The following ADGRB3 variants were observed in gnomAD, a reference collection of about 807,000 sequenced individuals.
ADGRB3 encodes the protein adhesion G protein-coupled receptor B3, also known as brain-specific angiogenesis inhibitor 3.
A neutral mutation model predicts 193.4 loss-of-function variants in ADGRB3; 37 were observed. The observed-to-expected ratio is 0.19, with a 90% CI of 0.15 to 0.25. ADGRB3 has a LOEUF of 0.25. Ranked by LOEUF, ADGRB3 falls within the 10% of genes least tolerant of loss-of-function variation. The pLI is 1.00. For synonymous variants in ADGRB3, 690 were observed against 644.2 expected (o/e 1.07, Z -1.08); for missense variants, 1,637 against 1,852.9 (o/e 0.88, Z 2.14).
intron 26 of ADGRB3, among the ~76,000 whole-genome samples, chr6:69,350,074 G>A (rs1354432025): frequency 6.6e-6 from 1 of 152,114 alleles, no homozygotes; most frequent in Non-Finnish European, 1.5e-5. Context: ...TCCCTCTCCT[G>A]GTTCAGAAGA....
chr6:69,244,144 CTT>C (rs1766440907), intron 20 of ADGRB3, among the ~76,000 whole-genome samples: 2 of 152,116 alleles, frequency 1.3e-5, no homozygotes, highest in East Asian at 3.9e-4. Context: ...TGGGCTGTGT[CTT>C]TTAATTCAGA....
chr6:69,135,056 A>G (rs1774114208), intron 17 of ADGRB3, among the ~76,000 whole-genome samples: 1 of 152,026 alleles, frequency 6.6e-6, no homozygotes, highest in Admixed American at 6.6e-5. Context: ...AAATTTCAAT[A>G]CATTGAGCAT....
intron 13 of ADGRB3, among the ~76,000 whole-genome samples, chr6:69,042,579 G>C (rs548472554): frequency 1.1e-4 from 17 of 152,332 alleles, no homozygotes; most frequent in African/African-American, 1.4e-4. Flanking sequence ...TTCAGTCCCT[G>C]TGTGCTTGGT....
intron 12 of ADGRB3, among the ~76,000 whole-genome samples, chr6:69,016,140 A>G (rs1320500524): frequency 2.6e-5 from 4 of 151,960 alleles, no homozygotes; most frequent in African/African-American, 9.7e-5. Flanking sequence ...AGTTGCATTT[A>G]CAATAGAGAC....
At chr6:69,366,764 C>A (rs891890891) in intron 29 of ADGRB3, among the ~76,000 whole-genome samples, 1 of 152,084 alleles carries the variant, frequency 6.6e-6, no homozygotes, top group Non-Finnish European at 1.5e-5. Context: ...AGCAAAGCAG[C>A]AACAACAAAA....
intron 17 of ADGRB3, among the ~76,000 whole-genome samples, chr6:69,087,705 A>T (rs1185384350): frequency 1.3e-5 from 2 of 152,164 alleles, no homozygotes; most frequent in African/African-American, 4.8e-5. Context: ...GTCAAAAAAG[A>T]ATTATTTATG....
intron 20 of ADGRB3, among the ~76,000 whole-genome samples, chr6:69,253,805 A>G (rs960715305): frequency 1.3e-5 from 2 of 152,080 alleles, no homozygotes; most frequent in South Asian, 2.1e-4. Flanking sequence ...ACAGGATGCA[A>G]TTATAGATTG....
chr6:68,999,247 T>C (rs1403542190), intron 11 of ADGRB3, among the ~76,000 whole-genome samples: 2 of 150,700 alleles, frequency 1.3e-5, no homozygotes, highest in African/African-American at 4.9e-5. Flanking sequence ...TAAAGCCATG[T>C]GGTATAGCTT....
At chr6:69,303,320 A>T (rs570213703) in intron 20 of ADGRB3, among the ~76,000 whole-genome samples, 2 of 151,858 alleles carry the variant, frequency 1.3e-5, no homozygotes, top group East Asian at 3.9e-4. Context: ...ATTATGATGC[A>T]TGTCCCTAAA....
intron 1 of ADGRB3, among the ~76,000 whole-genome samples, 162 bp from the exon 2 acceptor site, chr6:68,637,229 C>G (rs1767980122): frequency 6.6e-6 from 1 of 152,104 alleles, no homozygotes; most frequent in Admixed American, 6.6e-5. Context: ...AAATGCAGAT[C>G]TATCTTCAGG....
intron 3 of ADGRB3, among the ~76,000 whole-genome samples, chr6:68,802,692 A>G (rs1440402439): frequency 1.3e-5 from 2 of 152,186 alleles, no homozygotes; most frequent in African/African-American, 4.8e-5. Flanking sequence ...TCATGTGTAG[A>G]TAAATTGTGT....
chr6:68,692,581 G>A (rs2127303090), intron 3 of ADGRB3, among the ~76,000 whole-genome samples: 1 of 151,780 alleles, frequency 6.6e-6, no homozygotes, highest in East Asian at 1.9e-4. Flanking sequence ...ACTTAAACCT[G>A]TACTCTAGGT....
intron 3 of ADGRB3, among the ~76,000 whole-genome samples, chr6:68,727,561 G>A (rs1765696143): frequency 6.6e-6 from 1 of 151,300 alleles, no homozygotes; most frequent in African/African-American, 2.4e-5. Flanking sequence ...ATCCATGCTG[G>A]TACATTGTAA....
intron 13 of ADGRB3, among the ~76,000 whole-genome samples, chr6:69,034,868 A>G (rs1770821415): frequency 6.6e-6 from 1 of 151,930 alleles, no homozygotes; most frequent in African/African-American, 2.4e-5. Context: ...AGAACACTCA[A>G]TTTGATCATA....
intron 3 of ADGRB3, among the ~76,000 whole-genome samples, chr6:68,673,772 TA>T (rs1231733513): frequency 1.3e-5 from 2 of 152,098 alleles, no homozygotes; most frequent in Admixed American, 6.6e-5. Context: ...GGAAGGTTTT[TA>T]TTTCTAAATT....
chr6:69,305,336 C>T (rs1259006262), intron 20 of ADGRB3, among the ~76,000 whole-genome samples: 1 of 151,480 alleles, frequency 6.6e-6, no homozygotes, highest in Non-Finnish European at 1.5e-5. Context: ...TGTTATTACT[C>T]ACAGTGATTA....
intron 13 of ADGRB3, among the ~76,000 whole-genome samples, chr6:69,031,421 A>G (rs1246935604): frequency 2.1e-5 from 3 of 142,466 alleles, no homozygotes; most frequent in Admixed American, 1.4e-4. Flanking sequence ...AGCCTGGGCG[A>G]CAGAGCAAGA....
At chr6:69,122,829 C>CAT (rs1255445052) in intron 17 of ADGRB3, among the ~76,000 whole-genome samples, 2 of 151,856 alleles carry the variant, frequency 1.3e-5, no homozygotes, top group Non-Finnish European at 2.9e-5. Context: ...TGGTTTCAAA[C>CAT]ATACATACAT....
chr6:69,035,441 A>G lies in ADGRB3; in HGVS notation c.2108-12744A>G, dbSNP rs572815814. Among the ~76,000 whole-genome samples the G allele has an allele frequency of 1.2e-4, 18 of 152,260 alleles. No individual in the cohort carries two copies. In the South Asian group the frequency reaches 3.7e-3, roughly 31 times the overall value. On this transcript the variant is annotated intron_variant, in intron 13 of 31. Coordinates refer to ENST00000370598, the MANE Select transcript of ADGRB3 (RefSeq NM_001704.3). ...CATAAACAAGCCAGGACCTGATATAATAATTAGTCAAGAGAGGAGTTGGTT... is the reference window on the plus strand; with the variant it reads ...CATAAACAAGCCAGGACCTGATATAGTAATTAGTCAAGAGAGGAGTTGGTT...
Sources: allele counts gnomAD v4.1 joint callset (sites outside exome capture counted in the v4.1 genomes callset), GRCh38; gene constraint gnomAD v4.1.1; transcripts MANE v1.5; gene names NCBI Gene and HGNC (gene_info 2026-07-23, HGNC 2026-07-21).